Variants in ARRDC3 observed in about 807,000 individuals in gnomAD.
The protein encoded by ARRDC3 is arrestin domain containing 3.
In ARRDC3, 10 loss-of-function variants were observed where a neutral mutation model predicts 47.2. The ratio of observed to expected loss-of-function variants is 0.21; its 90% CI spans 0.13 to 0.36. The LOEUF (loss-of-function observed/expected upper bound fraction) is 0.36, where lower values mean the gene tolerates loss of function less well. Ranked by LOEUF, ARRDC3 falls within the 10% of genes least tolerant of loss-of-function variation. The pLI, the probability that ARRDC3 is intolerant of heterozygous loss-of-function variation, is 1.00. For synonymous variants in ARRDC3, 156 were observed against 178.3 expected (o/e 0.87, Z 1.00); for missense variants, 381 against 503.6 (o/e 0.76, Z 2.33).
At chr5:91,372,119 T>C (rs746965430) in intron 7 of ARRDC3, among the ~76,000 whole-genome samples, 1 of 152,064 alleles carries the variant, frequency 6.6e-6, no homozygotes, top group Non-Finnish European at 1.5e-5. Flanking sequence ...TATATGCACA[T>C]ATTTTTAATG....
chr5:91,371,409 G>T lies in ARRDC3; in HGVS notation c.1236C>A (p.Pro412=), dbSNP rs1430227466. The change falls in exon 8 of 8, where the codon CCC becomes CCA. Residue 412 remains proline, a synonymous_variant. Transcript: ENST00000265138. ...DQSADDRPSC[P]SR ...TCAACCAAGTGTTCCTTCAACGAGAGGGGCAGGATGGTCTATCATCTGCTG... is the reference window on the plus strand; with the variant it reads ...TCAACCAAGTGTTCCTTCAACGAGATGGGCAGGATGGTCTATCATCTGCTG... 1 of 1,613,066 alleles carries T rather than the reference G, an allele frequency of 6.2e-7. No individual in the cohort carries two copies. The highest frequency in any genetic ancestry group is 1.3e-5 in the African/African-American group (1 of 74,886).
chr5:91,376,580 T>A, intron 3 of ARRDC3, 41 bp downstream of exon 3: 1 of 1,516,928 alleles, frequency 6.6e-7, no homozygotes, highest in Non-Finnish European at 9.0e-7. Context: ...TTAATATTTA[T>A]ATGCCAAAAA....
In ARRDC3 at chr5:91,378,736, G is replaced by A; in HGVS notation, c.320C>T (p.Ser107Leu). 6.2e-7 allele frequency: 1 copy of A among 1,600,706 alleles called. No individual in the cohort carries two copies. Among genetic ancestry groups the A allele is most frequent in the Non-Finnish European group, 8.5e-7 (1 of 1,175,180 alleles). Residue 107 changes from serine to leucine, a missense_variant, in exon 2 of 8, where the codon TCA becomes TTA. Ser to Leu is a moderately radical substitution (Grantham distance 145). Coordinates refer to ENST00000265138, the MANE Select transcript of ARRDC3 (RefSeq NM_020801.4). Reference sequence around the variant, plus strand: ...GCTGAATGCATATTCATGCCTTCCTGAATGAATAGTGTGGAAGCCTTCTTC... The same window carrying A: ...GCTGAATGCATATTCATGCCTTCCTAAATGAATAGTGTGGAAGCCTTCTTC... The part of the protein sequence containing the change: ...NSEEGFHTIH[S>L]GRHEYAFSFE...
At chr5:91,374,343 C>T (rs1179783574) in intron 5 of ARRDC3, 67 bp from the exon 6 acceptor site, 7 of 1,421,512 alleles carry the variant, frequency 4.9e-6, no homozygotes, top group Non-Finnish European at 6.8e-6. Flanking sequence ...AAACTCATAA[C>T]CAATTTTAAT....
Position 91,376,686 on chromosome 5 carries a change from G to C in ARRDC3, c.445C>G (p.Pro149Ala), listed in dbSNP as rs780963333. The C allele has an allele frequency of 3.7e-6, 6 of 1,613,660 alleles. No homozygotes were observed. The Admixed American group carries it at 1.0e-4, about 27-fold the overall frequency. The change falls in exon 3 of 8, where the codon CCA becomes GCA. Residue 149 changes from proline (P) to alanine (A), a missense_variant. Transcript: ENST00000265138. ...KAELHRPWLL[P>A]VKLKKEFTVF... ...GTAAATTCCTTCTTTAATTTTACTGGTAGTAGCCAAGGCCTGTGCAATTCG... is the reference window on the plus strand; with the variant it reads ...GTAAATTCCTTCTTTAATTTTACTGCTAGTAGCCAAGGCCTGTGCAATTCG...
At chr5:91,382,633 C>T (rs1799478217) in intron 1 of ARRDC3, among the ~76,000 whole-genome samples, 180 bp downstream of exon 1, 1 of 152,238 alleles carries the variant, frequency 6.6e-6, no homozygotes, top group African/African-American at 2.4e-5. Context: ...TTGCAGATGC[C>T]TGCATGCATT....
intron 1 of ARRDC3, chr5:91,380,386 C>G (rs1293209265): frequency 6.6e-6 from 1 of 152,230 alleles, no homozygotes; most frequent in Non-Finnish European, 1.5e-5. Context: ...CCATCTGGCT[C>G]GGGCCACTCT....
chr5:91,374,537 G>T (rs1233376169), intron 5 of ARRDC3, among the ~76,000 whole-genome samples: 6 of 151,886 alleles, frequency 4.0e-5, no homozygotes, highest in Non-Finnish European at 8.8e-5. Flanking sequence ...CTGGATGTAA[G>T]ACAAAACTAT....
Position 91,383,249 on chromosome 5 carries a change from TA to T in ARRDC3, c.-158del. 2.8e-6 allele frequency: 2 copies of T among 724,866 alleles called. No homozygotes were observed. The highest frequency in any genetic ancestry group is 6.6e-5 in the Admixed American group (2 of 30,134). The allele number at this position is 724,866 out of a possible 1,614,324, so 44.9% of individuals were successfully genotyped here. ...CTACAAATAGTTCATTGAGATTTCT[TA>T]AAAAGTCAGGGCAGCAGAGGCTGCT... On this transcript the variant is annotated 5_prime_UTR_variant, in exon 1 of 8. Coordinates refer to ENST00000265138, the MANE Select transcript of ARRDC3 (RefSeq NM_020801.4).
chr5:91,371,428 T>C lies in ARRDC3; in HGVS notation c.1217A>G (p.Asp406Gly). ...EIDPNPDQSADDRPSCPSR is the reference protein window; with the variant it reads ...EIDPNPDQSAGDRPSCPSR ...ACGAGAGGGGCAGGATGGTCTATCATCTGCTGACTGATCAGGATTTGGATC... is the reference window on the plus strand; with the variant it reads ...ACGAGAGGGGCAGGATGGTCTATCACCTGCTGACTGATCAGGATTTGGATC... Residue 406 changes from aspartate to glycine, a missense_variant, in exon 8 of 8, where the codon GAT becomes GGT. Coordinates refer to ENST00000265138, the MANE Select transcript of ARRDC3 (RefSeq NM_020801.4). 6.2e-7 allele frequency: 1 copy of C among 1,613,598 alleles called. No individual in the cohort carries two copies. The highest frequency in any genetic ancestry group is 8.5e-7 in the Non-Finnish European group (1 of 1,179,696).
Position 91,383,290 on chromosome 5 carries a change from C to T in ARRDC3, c.-198G>A, listed in dbSNP as rs561084795. The T allele has an allele frequency of 5.4e-6, 3 of 556,146 alleles. No individual in the cohort carries two copies. Among genetic ancestry groups the T allele is most frequent in the Non-Finnish European group, 3.1e-6 (1 of 323,754 alleles). 34.5% of individuals were successfully genotyped at this position (556,146 alleles called of 1,614,324 possible). On this transcript the variant is annotated 5_prime_UTR_variant, in exon 1 of 8. Transcript: ENST00000265138. ...CAGAGGCTGCTGCTCCGCGCTCCCG[C>T]TCGTCTCAGTGGTCTCCTTACAAAG...
chr5:91,378,430 T>C (rs552137803), intron 2 of ARRDC3, among the ~76,000 whole-genome samples: 2 of 152,184 alleles, frequency 1.3e-5, no homozygotes, highest in East Asian at 1.9e-4. Context: ...AATTCACTCA[T>C]GTTAAAGGAA....
rs763959919 is a variant in ARRDC3, at chr5:91,374,231, G to C, written c.916C>G (p.Pro306Ala). ...PGAMDLFLNL[P>A]LVIGTIPLHP... ...AGAGGAATGGTACCGATGACAAGTG[G>C]CAAATTAAGAAATAAATCCATAGCT... The change falls in exon 6 of 8, where the codon CCA becomes GCA. Residue 306 changes from proline (P) to alanine (A), a missense_variant. Pro to Ala is a conservative substitution (Grantham distance 27). Transcript: ENST00000265138. 6.2e-7 allele frequency: 1 copy of C among 1,613,634 alleles called. No individual in the cohort carries two copies. Among genetic ancestry groups the C allele is most frequent in the Non-Finnish European group, 8.5e-7 (1 of 1,179,674 alleles).
chr5:91,375,610 G>A lies in ARRDC3; in HGVS notation c.514C>T (p.Pro172Ser). The A allele has an allele frequency of 6.2e-7, 1 of 1,604,718 alleles. No individual in the cohort carries two copies. Among genetic ancestry groups the A allele is most frequent in the Non-Finnish European group, 8.5e-7 (1 of 1,174,668 alleles). The change falls in exon 4 of 8, where the codon CCC becomes TCC. Residue 172 changes from proline (P) to serine (S), a missense_variant. By Grantham distance (74) the Pro-to-Ser change is moderately conservative (BLOSUM62 -1). Coordinates refer to ENST00000265138, the MANE Select transcript of ARRDC3 (RefSeq NM_020801.4). ...GTCTTTTCTTTTGTGCCTGCTTGGG[G>A]TGACTGTAAGAAAAAAATTAAGAGA... is the stretch of plus-strand genomic sequence containing the variant. ...IDINTPSLLSPQAGTKEKTLC... is the reference protein window; with the variant it reads ...IDINTPSLLSSQAGTKEKTLC...
rs1481941454 is a variant in ARRDC3, at chr5:91,374,905, C to T, written c.870+17G>A. The T allele has an allele frequency of 1.2e-6, 2 of 1,609,624 alleles. No individual in the cohort carries two copies. The highest frequency in any genetic ancestry group is 1.3e-5 in the African/African-American group (1 of 74,752). The stretch of plus-strand genomic sequence containing the variant: ...AAAGAAAAAAGAAAGGAAAAAACCT[C>T]TTAAATGTGTACATACCATTAGTGA... On this transcript the variant is annotated intron_variant, in intron 5 of 7. Coordinates refer to ENST00000265138, the MANE Select transcript of ARRDC3 (RefSeq NM_020801.4).
intron 1 of ARRDC3, among the ~76,000 whole-genome samples, chr5:91,382,374 C>A (rs1344025174): frequency 1.3e-5 from 2 of 152,140 alleles, no homozygotes; most frequent in Non-Finnish European, 2.9e-5. Flanking sequence ...ATGAAACACA[C>A]CCATTAAGTC....
intron 1 of ARRDC3, among the ~76,000 whole-genome samples, chr5:91,382,222 G>A (rs1213106437): frequency 3.9e-5 from 6 of 152,174 alleles, no homozygotes; most frequent in African/African-American, 1.4e-4. Context: ...AGGAATGCTG[G>A]GTGTAAATTT....
At chr5:91,375,670 C>A in intron 3 of ARRDC3, 57 bp from the exon 4 acceptor site, 2 of 1,106,978 alleles carry the variant, frequency 1.8e-6, no homozygotes, top group South Asian at 1.9e-5. Flanking sequence ...CAATCAATAC[C>A]AGAATATTTT....
intron 5 of ARRDC3, 90 bp downstream of exon 5, chr5:91,374,832 G>C (rs1799261152): frequency 1.5e-6 from 2 of 1,345,614 alleles, no homozygotes; most frequent in Admixed American, 4.1e-5. Flanking sequence ...CTGTAGCGGA[G>C]CTGAGACTGT....
Sources: gnomAD v4.1 joint callset for allele counts (sites outside exome capture counted in the v4.1 genomes callset) on GRCh38, gnomAD v4.1.1 for gene constraint, MANE v1.5 for transcripts, NCBI Gene and HGNC (gene_info 2026-07-23, HGNC 2026-07-21) for gene names.